SRGAP1: variants seen among roughly 807,000 people sequenced by gnomAD.
SRGAP1 encodes SLIT-ROBO Rho GTPase-activating protein 1.
A neutral mutation model predicts 121.9 loss-of-function variants in SRGAP1; 43 were observed. The observed-to-expected ratio is 0.35, with a 90% confidence interval of 0.28 to 0.46. SRGAP1 has a LOEUF of 0.46. SRGAP1 is among the 20% of genes least tolerant of loss of function. The pLI is 1.00. For synonymous variants in SRGAP1, 447 were observed against 485.4 expected (o/e 0.92, Z 1.04); for missense variants, 1,102 against 1,350.9 (o/e 0.82, Z 2.89).
intron 18 of SRGAP1, among the ~76,000 whole-genome samples, chr12:64,123,529 G>A (rs1406200188): frequency 6.6e-6 from 1 of 152,076 alleles, no homozygotes; most frequent in Non-Finnish European, 1.5e-5. Flanking sequence ...CCTCTATGAA[G>A]CAGACACATA....
chr12:64,048,709 A>G (rs946769967), intron 6 of SRGAP1, among the ~76,000 whole-genome samples: 3 of 152,108 alleles, frequency 2.0e-5, no homozygotes, highest in Non-Finnish European at 4.4e-5. Context: ...CTGGGGTGAG[A>G]TGATATCTCA....
At chr12:64,103,064 C>T (rs1336873481) in intron 15 of SRGAP1, among the ~76,000 whole-genome samples, 1 of 152,174 alleles carries the variant, frequency 6.6e-6, no homozygotes, top group Admixed American at 6.5e-5. Context: ...CAGCTCACTG[C>T]AACCTCCTAG....
chr12:64,066,436 T>G (rs1053758895), intron 8 of SRGAP1, among the ~76,000 whole-genome samples: 3 of 152,206 alleles, frequency 2.0e-5, no homozygotes, highest in African/African-American at 7.2e-5. Flanking sequence ...AGAAATAGTG[T>G]ATTTCTAGAG....
intron 21 of SRGAP1, among the ~76,000 whole-genome samples, chr12:64,140,268 A>G (rs1228122305): frequency 1.4e-5 from 2 of 147,536 alleles, no homozygotes; most frequent in Non-Finnish European, 3.0e-5. Context: ...GTTTTTTCCA[A>G]TTCTGTGAAG....
intron 1 of SRGAP1, among the ~76,000 whole-genome samples, chr12:63,962,957 G>T (rs1199153313): frequency 6.6e-6 from 1 of 152,054 alleles, no homozygotes; most frequent in East Asian, 1.9e-4. Flanking sequence ...TTTGTATGTT[G>T]AGTTAAAATA....
chr12:63,909,921 C>A (rs2030412374), intron 1 of SRGAP1, among the ~76,000 whole-genome samples: 1 of 152,154 alleles, frequency 6.6e-6, no homozygotes, highest in Non-Finnish European at 1.5e-5. Flanking sequence ...TTGAATGAGG[C>A]CCACCCACAT....
At chr12:64,125,243 C>G (rs151281155) in intron 18 of SRGAP1, among the ~76,000 whole-genome samples, 1 of 152,130 alleles carries the variant, frequency 6.6e-6, no homozygotes, top group Admixed American at 6.5e-5. Flanking sequence ...GCTTTTTTCA[C>G]TCACCATCAT....
At chr12:64,051,994 A>T (rs538047216) in intron 6 of SRGAP1, among the ~76,000 whole-genome samples, 62 of 152,334 alleles carry the variant, frequency 4.1e-4, no homozygotes, top group African/African-American at 1.5e-3. Context: ...GTAAAAATTA[A>T]TTTCTTGATC....
At chr12:64,082,974 G>A (rs1400882807) in intron 10 of SRGAP1, among the ~76,000 whole-genome samples, 1 of 152,174 alleles carries the variant, frequency 6.6e-6, no homozygotes, top group East Asian at 1.9e-4. Flanking sequence ...CCAATTGCTG[G>A]TCACTGCCTG....
chr12:63,917,675 A>G (rs1357587801), intron 1 of SRGAP1, among the ~76,000 whole-genome samples: 5 of 152,200 alleles, frequency 3.3e-5, no homozygotes, highest in Non-Finnish European at 7.3e-5. Context: ...TCTACTCTTA[A>G]GAATTTCTAA....
intron 3 of SRGAP1, among the ~76,000 whole-genome samples, chr12:63,991,880 A>G (rs1213329127): frequency 6.6e-6 from 1 of 152,212 alleles, no homozygotes; most frequent in Non-Finnish European, 1.5e-5. Flanking sequence ...GAGCAGAGCT[A>G]AAAGACATGT....
chr12:63,930,684 T>G (rs2136337252), intron 1 of SRGAP1, among the ~76,000 whole-genome samples: 1 of 152,228 alleles, frequency 6.6e-6, no homozygotes, highest in East Asian at 1.9e-4. Context: ...TACCTCACTT[T>G]TTGGGGAGCG....
chr12:64,108,816 C>T (rs2136611945), intron 15 of SRGAP1, 116 bp from the exon 16 acceptor site: 1 of 604,814 alleles, frequency 1.7e-6, no homozygotes, highest in Admixed American at 3.2e-5. Flanking sequence ...TTGGATCTCA[C>T]ACAAGAGCAG....
At chr12:63,876,308 A>G (rs1011185452) in intron 1 of SRGAP1, among the ~76,000 whole-genome samples, 4 of 152,190 alleles carry the variant, frequency 2.6e-5, no homozygotes, top group Admixed American at 2.6e-4. Flanking sequence ...CAGATATAGT[A>G]TTGAAATATC....
intron 1 of SRGAP1, among the ~76,000 whole-genome samples, chr12:63,967,879 A>ATG: frequency 6.6e-6 from 1 of 152,214 alleles, no homozygotes; most frequent in Non-Finnish European, 1.5e-5. Context: ...TCATCCTGAG[A>ATG]AACAGTTCCA....
chr12:63,911,159 C>T (rs1178144468), intron 1 of SRGAP1, among the ~76,000 whole-genome samples: 3 of 151,730 alleles, frequency 2.0e-5, no homozygotes, highest in Admixed American at 6.6e-5. Context: ...ATTAGCCAGG[C>T]GTGGTGGCAG....
At chr12:64,109,129 C>A in intron 16 of SRGAP1, 92 bp downstream of exon 16, 1 of 814,918 alleles carries the variant, frequency 1.2e-6, no homozygotes, top group Non-Finnish European at 1.8e-6. Context: ...CATTTATCAG[C>A]AGAGTCAAAG....
intron 1 of SRGAP1, among the ~76,000 whole-genome samples, chr12:63,899,636 G>C (rs1900868183): frequency 6.6e-6 from 1 of 152,144 alleles, no homozygotes; most frequent in Non-Finnish European, 1.5e-5. Context: ...TTGAACAGCT[G>C]GCCACCTTTG....
intron 1 of SRGAP1, among the ~76,000 whole-genome samples, chr12:63,921,073 C>T (rs114670953): frequency 0.012 from 1,810 of 152,164 alleles, 17 homozygotes; most frequent in Middle Eastern, 0.031. Flanking sequence ...CCATCTGGTT[C>T]GACAAGCCAG....
Sources: gnomAD v4.1 joint callset for allele counts (sites outside exome capture counted in the v4.1 genomes callset) on GRCh38, gnomAD v4.1.1 for gene constraint, MANE v1.5 for transcripts, NCBI Gene and HGNC (gene_info 2026-07-23, HGNC 2026-07-21) for gene names.